The following ACSL1 variants were observed in gnomAD, a reference collection of about 807,000 sequenced individuals.
The protein encoded by ACSL1 is acyl-CoA synthetase long chain family member 1.
In ACSL1, 41 loss-of-function variants were observed where a neutral mutation model predicts 98.4. That is an observed-to-expected ratio of 0.42 (90% CI 0.32 to 0.54). The LOEUF (loss-of-function observed/expected upper bound fraction) is 0.54, where lower values mean the gene tolerates loss of function less well. Among genes scored for constraint, ACSL1 ranks in the 20% least tolerant of loss-of-function variants. The pLI is 0.13. For synonymous variants in ACSL1, 316 were observed against 322.7 expected (o/e 0.98, Z 0.22); for missense variants, 734 against 883.1 (o/e 0.83, Z 2.14).
At chr4:184,776,445 G>A in intron 7 of ACSL1, 39 bp downstream of exon 7, 2 of 1,591,924 alleles carry the variant, frequency 1.3e-6, no homozygotes, top group South Asian at 1.1e-5. Flanking sequence ...ACGGCCCCAG[G>A]GAAAGCCTTC....
intron 18 of ACSL1, chr4:184,758,740 TA>T (rs1762453045): frequency 6.6e-6 from 1 of 152,180 alleles, no homozygotes; most frequent in Non-Finnish European, 1.5e-5. Context: ...TATCCTAAAA[TA>T]ATTTTAAAAT....
At chr4:184,776,757 C>G (rs1299566993) in intron 6 of ACSL1, 95 bp from the exon 7 acceptor site, 5 of 1,490,542 alleles carry the variant, frequency 3.4e-6, no homozygotes, top group Non-Finnish European at 3.6e-6. Flanking sequence ...GTACTACATT[C>G]TTTGAATAAA....
At chr4:184,769,865 G>C (rs547537062) in intron 11 of ACSL1, among the ~76,000 whole-genome samples, 1 of 152,334 alleles carries the variant, frequency 6.6e-6, no homozygotes, top group South Asian at 2.1e-4. Context: ...GTTGATTACA[G>C]GGAGCCTAGG....
chr4:184,815,056 G>A (rs768474063), intron 1 of ACSL1: 4 of 456,292 alleles, frequency 8.8e-6, no homozygotes, highest in Non-Finnish European at 1.3e-5. Context: ...ACACCTGCAA[G>A]AGTTAACAGA....
At chr4:184,810,124 TA>T (rs914688431) in intron 1 of ACSL1, among the ~76,000 whole-genome samples, 14 of 152,362 alleles carry the variant, frequency 9.2e-5, no homozygotes, top group African/African-American at 2.9e-4. Context: ...TATAGCTTTT[TA>T]AACTGATTTT....
In ACSL1 at chr4:184,788,692, C is replaced by T. The variant is rs1767838280; in HGVS notation, c.235G>A (p.Asp79Asn). ...TCATAGAAATACACCAAGGGCTCGT[C>T]GCTGTCAAGTAGTGCGGATCTTCGT... ...GARRSALLDS[D>N]EPLVYFYDDV... is the part of the protein sequence containing the mutation. Residue 79 changes from aspartate (D) to asparagine (N), a missense_variant, in exon 3 of 21, where the codon GAC becomes AAC. Physicochemically the swap from Asp to Asn is conservative, Grantham distance 23. Transcript: ENST00000281455. 7.4e-6 allele frequency: 12 copies of T among 1,613,970 alleles called. No individual in the cohort carries two copies. Among genetic ancestry groups the T allele is most frequent in the South Asian group, 2.2e-5 (2 of 91,086 alleles).
At chr4:184,806,770 T>C (rs971865657) in intron 1 of ACSL1, among the ~76,000 whole-genome samples, 10 of 152,210 alleles carry the variant, frequency 6.6e-5, no homozygotes, top group African/African-American at 2.4e-4. Flanking sequence ...TACTAAGGGT[T>C]TGAATCCAGC....
At chr4:184,772,919 G>T (rs1288077524) in intron 10 of ACSL1, among the ~76,000 whole-genome samples, 162 bp downstream of exon 10, 2 of 152,144 alleles carry the variant, frequency 1.3e-5, no homozygotes, top group Non-Finnish European at 2.9e-5. Context: ...AGTGAAAAAA[G>T]AGAGAAGGTG....
intron 10 of ACSL1, among the ~76,000 whole-genome samples, chr4:184,772,265 T>C (rs960746393): frequency 6.6e-6 from 1 of 152,180 alleles, no homozygotes; most frequent in Non-Finnish European, 1.5e-5. Context: ...CCAAGTAAAG[T>C]AAGTGGCAAG....
In ACSL1 at chr4:184,757,382, C is replaced by G; in HGVS notation, c.1957-117G>C. 1 of 1,328,970 alleles carries G rather than the reference C, an allele frequency of 7.5e-7. No individual in the cohort carries two copies. Among genetic ancestry groups the G allele is most frequent in the South Asian group, 1.5e-5 (1 of 67,440 alleles). The allele number at this position is 1,328,970 out of a possible 1,614,324, so 82.3% of individuals were successfully genotyped here. ...AGCCATCCAATCCATCCTCTCATTT[C>G]AGCCAAGCTGCACCTTCTCAACAAA... On this transcript the variant is annotated intron_variant, in intron 20 of 20. Coordinates refer to ENST00000281455, the MANE Select transcript of ACSL1 (RefSeq NM_001995.5). This position sits in a 1 kb window ranked among gnomAD's most constrained non-coding sequence, Gnocchi z 4.5.
At position 184,757,101 on chromosome 4, in the gene ACSL1, T is replaced by C. The variant is rs776685219; in HGVS notation, c.*24A>G. ...AGAAGAGATTGTGGAACTGTGCCAT[T>C]TCCTCTGAGCTTTCTTCTTCACACT... On this transcript the variant is annotated 3_prime_UTR_variant, in exon 21 of 21. Coordinates refer to ENST00000281455, the MANE Select transcript of ACSL1 (RefSeq NM_001995.5). The surrounding 1 kb of genome is among the most constrained non-coding windows in gnomAD (Gnocchi z 4.5). 24 of 1,546,358 alleles carry C rather than the reference T, an allele frequency of 1.6e-5. No individual in the cohort carries two copies. The highest frequency in any genetic ancestry group is 2.1e-5 in the Non-Finnish European group (24 of 1,133,806).
rs1183925450 is a variant in ACSL1, at chr4:184,803,157, C to T, written c.195+163G>A. On this transcript the variant is annotated intron_variant, in intron 2 of 20. Coordinates refer to ENST00000281455, the MANE Select transcript of ACSL1 (RefSeq NM_001995.5). The surrounding 1 kb of genome is among the most constrained non-coding windows in gnomAD (Gnocchi z 4.8). ...ATCTGTCCCTGTGCCTATATTTTGC[C>T]CTGTACCTCTATTTACCACCATCAG... 6.6e-6 allele frequency among the ~76,000 whole-genome samples: 1 copy of T among 152,184 alleles called. No individual in the cohort carries two copies. The highest frequency in any genetic ancestry group is 1.5e-5 in the Non-Finnish European group (1 of 68,028).
Position 184,774,362 on chromosome 4 carries a change from G to A in ACSL1, c.757-487C>T, listed in dbSNP as rs534202498. Among the ~76,000 whole-genome samples the A allele has an allele frequency of 8.5e-5, 13 of 152,286 alleles. No homozygotes were observed. The South Asian group carries it at 1.5e-3, about 17-fold the overall frequency. ...GAAGAAGAAAAATCAATCTCTGCTC[G>A]ATTGAAATGCTAGGCATTTTGGAGA... On this transcript the variant is annotated intron_variant, in intron 7 of 20. Coordinates refer to ENST00000281455, the MANE Select transcript of ACSL1 (RefSeq NM_001995.5).
chr4:184,806,593 G>C lies in ACSL1; in HGVS notation c.-32-3047C>G, dbSNP rs138563054. Among the ~76,000 whole-genome samples, 268 of 152,108 alleles carry C rather than the reference G, an allele frequency of 1.8e-3. 2 individuals are homozygous for C. The highest frequency in any genetic ancestry group is 6.0e-3 in the African/African-American group (250 of 41,484). ...TGTAAACAAATACAGTCAGACACAG[G>C]GGATTAATTTGTCTATTTTAAGCAT... On this transcript the variant is annotated intron_variant, in intron 1 of 20. Transcript: ENST00000281455.
At chr4:184,817,822 C>G (rs1772757011) in intron 1 of ACSL1, among the ~76,000 whole-genome samples, 1 of 152,080 alleles carries the variant, frequency 6.6e-6, no homozygotes, top group Non-Finnish European at 1.5e-5. Context: ...CTCTGCAGGA[C>G]AGAGAGGCTT....
intron 1 of ACSL1, among the ~76,000 whole-genome samples, chr4:184,822,045 T>C (rs1459592654): frequency 6.6e-6 from 1 of 152,266 alleles, no homozygotes; most frequent in Non-Finnish European, 1.5e-5. Context: ...GGTTTTTAGA[T>C]ATTAGACAGC....
chr4:184,782,264 T>TAA lies in ACSL1; in HGVS notation c.375+1661_375+1662dup, dbSNP rs33965361. 8.6e-3 allele frequency among the ~76,000 whole-genome samples: 1,227 copies of TAA among 143,106 alleles called. 9 individuals are homozygous for TAA. The highest frequency in any genetic ancestry group is 0.021 in the South Asian group (94 of 4,542). The allele number at this position is 143,106 out of a possible 152,430, so 93.9% of individuals were successfully genotyped here. ...TATTTCTAGATCGGTCATACATTCT[T>TAA]AAAAAAAAAAAAACAACCCTTTAAG... On this transcript the variant is annotated intron_variant, in intron 4 of 20. Coordinates refer to ENST00000281455, the MANE Select transcript of ACSL1 (RefSeq NM_001995.5).
intron 1 of ACSL1, chr4:184,821,013 C>A (rs780844082): frequency 2.0e-5 from 9 of 456,280 alleles, no homozygotes; most frequent in South Asian, 1.2e-4. Context: ...GGAACTTAAT[C>A]TTTGCACCTG....
intron 1 of ACSL1, chr4:184,815,095 G>T (rs1772503271): frequency 2.2e-6 from 1 of 456,106 alleles, no homozygotes; most frequent in African/African-American, 2.0e-5. Flanking sequence ...GATAACCACG[G>T]CAGGTAGGGC....
Sources: allele counts gnomAD v4.1 joint callset (sites outside exome capture counted in the v4.1 genomes callset), GRCh38; gene constraint gnomAD v4.1.1; non-coding constraint Gnocchi (gnomAD v3.1); transcripts MANE v1.5; gene names NCBI Gene and HGNC (gene_info 2026-07-23, HGNC 2026-07-21).